IGF2BP3: variants seen among roughly 807,000 people sequenced by gnomAD.
IGF2BP3 encodes the protein insulin-like growth factor 2 mRNA-binding protein 3.
In IGF2BP3, 9 loss-of-function variants were observed where a neutral mutation model predicts 73.8. The ratio of observed to expected loss-of-function variants is 0.12; its 90% CI spans 0.07 to 0.21. The LOEUF is 0.21. Among genes scored for constraint, IGF2BP3 ranks in the 10% least tolerant of loss-of-function variants. The pLI is 1.00. For synonymous variants in IGF2BP3, 258 were observed against 256.7 expected (o/e 1.01, Z -0.05); for missense variants, 542 against 714.0 (o/e 0.76, Z 2.75).
At chr7:23,434,667 A>T (rs1281945040) in intron 2 of IGF2BP3, among the ~76,000 whole-genome samples, 2 of 152,198 alleles carry the variant, frequency 1.3e-5, no homozygotes, top group African/African-American at 4.8e-5. Flanking sequence ...ATATAATTTC[A>T]CTAGGCTTTG....
intron 10 of IGF2BP3, among the ~76,000 whole-genome samples, chr7:23,327,342 G>A (rs1444430178): frequency 2.7e-5 from 4 of 147,352 alleles, no homozygotes; most frequent in East Asian, 2.0e-4. Flanking sequence ...GTGCAGTGGC[G>A]CAATCTCGGC....
intron 9 of IGF2BP3, among the ~76,000 whole-genome samples, chr7:23,343,198 G>A (rs968721505): frequency 3.2e-4 from 48 of 152,124 alleles, no homozygotes; most frequent in Admixed American, 2.5e-3. Context: ...GGCTAACCAA[G>A]TTTTAAACCT....
intron 3 of IGF2BP3, among the ~76,000 whole-genome samples, chr7:23,404,189 A>G (rs1211105688): frequency 6.6e-6 from 1 of 152,020 alleles, no homozygotes; most frequent in Non-Finnish European, 1.5e-5. Flanking sequence ...CTCATAATCG[A>G]CACAACCCAC....
intron 6 of IGF2BP3, among the ~76,000 whole-genome samples, chr7:23,350,414 C>T (rs1418488142): frequency 6.6e-6 from 1 of 152,170 alleles, no homozygotes; most frequent in African/African-American, 2.4e-5. Flanking sequence ...CTCACAGGTT[C>T]TTCAGGAAAT....
intron 10 of IGF2BP3, among the ~76,000 whole-genome samples, chr7:23,332,154 A>G (rs1468551005): frequency 1.3e-5 from 2 of 152,198 alleles, no homozygotes; most frequent in Admixed American, 1.3e-4. Context: ...GTGGGGACAC[A>G]GCCAAACCAT....
chr7:23,312,811 A>C lies in IGF2BP3; in HGVS notation c.1565T>G (p.Val522Gly), dbSNP rs2128490813. 1 of 1,612,688 alleles carries C rather than the reference A, an allele frequency of 6.2e-7. No individual in the cohort carries two copies. The highest frequency in any genetic ancestry group is 1.1e-5 in the South Asian group (1 of 90,634). ...ELQNLSSAEV[V>G]VPRDQTPDEN... ...ATCAGGTGTCTGGTCACGAGGGACA[A>C]CAACTTCTGCACTTGACAAATTCTG... The change falls in exon 14 of 15, where the codon GTT becomes GGT. Residue 522 changes from valine (V) to glycine (G), a missense_variant. Val to Gly is a moderately radical substitution (Grantham distance 109). This residue lies in a region of IGF2BP3 where 303 missense variants were observed against 472.1 expected (regional missense o/e 0.64). Coordinates refer to ENST00000258729, the MANE Select transcript of IGF2BP3 (RefSeq NM_006547.3).
At chr7:23,438,674 A>G (rs144498185) in intron 2 of IGF2BP3, among the ~76,000 whole-genome samples, 1,535 of 152,302 alleles carry the variant, frequency 0.01, 21 homozygotes, top group African/African-American at 0.034. Context: ...CCACACGCTT[A>G]TAATGGTTGT....
chr7:23,335,194 A>G lies in IGF2BP3; in HGVS notation c.1203+6870T>C, dbSNP rs182339324. ...CTTACTTAGAAATTGTTTACCAACA[A>G]AAGAGTTGCACCCACTGTGAGAAAT... On this transcript the variant is annotated intron_variant, in intron 10 of 14. Transcript: ENST00000258729. 9.9e-4 allele frequency among the ~76,000 whole-genome samples: 151 copies of G among 152,206 alleles called. 1 individual carries two copies. Among genetic ancestry groups the G allele is most frequent in the Middle Eastern group, 3.4e-3 (1 of 294 alleles).
chr7:23,463,979 G>A lies in IGF2BP3; in HGVS notation c.236+4503C>T, dbSNP rs77551473. On this transcript the variant is annotated intron_variant, in intron 2 of 14. Coordinates refer to ENST00000258729, the MANE Select transcript of IGF2BP3 (RefSeq NM_006547.3). ...CTAACATTCAGAACCTCAAGTCTCT[G>A]CATGTGTGAGAAACTTTCCCGAATC... 8.1e-3 allele frequency among the ~76,000 whole-genome samples: 1,240 copies of A among 152,300 alleles called. 30 individuals are homozygous for A. Among genetic ancestry groups the A allele is most frequent in the African/African-American group, 0.028 (1,177 of 41,560 alleles).
chr7:23,370,675 G>GT (rs895564098), intron 3 of IGF2BP3, among the ~76,000 whole-genome samples: 25 of 148,328 alleles, frequency 1.7e-4, no homozygotes, highest in African/African-American at 6.2e-4. Context: ...AGGTTTTTTG[G>GT]TTTTTTTGTT....
At chr7:23,358,225 A>C (rs781343869) in intron 5 of IGF2BP3, among the ~76,000 whole-genome samples, 23 of 152,226 alleles carry the variant, frequency 1.5e-4, no homozygotes, top group Non-Finnish European at 2.8e-4. Flanking sequence ...TGTTCCATGC[A>C]ACTGGGCTCT....
At chr7:23,326,668 A>G (rs993409331) in intron 10 of IGF2BP3, among the ~76,000 whole-genome samples, 2 of 147,962 alleles carry the variant, frequency 1.4e-5, no homozygotes, top group African/African-American at 5.0e-5. Flanking sequence ...GAACCAACCC[A>G]AATGTCCAAC....
At chr7:23,359,630 T>G (rs1297615872) in intron 5 of IGF2BP3, among the ~76,000 whole-genome samples, 2 of 152,050 alleles carry the variant, frequency 1.3e-5, no homozygotes, top group Non-Finnish European at 2.9e-5. Context: ...GCAGATCGCT[T>G]GAGCCCACGA....
intron 12 of IGF2BP3, among the ~76,000 whole-genome samples, chr7:23,316,616 A>G (rs1204125377): frequency 6.9e-6 from 1 of 144,904 alleles, no homozygotes; most frequent in African/African-American, 2.6e-5. Flanking sequence ...TGGAGTTTGC[A>G]GTGAGCTGAG....
chr7:23,342,246 G>C, intron 9 of IGF2BP3, 57 bp from the exon 10 acceptor site: 1 of 1,583,052 alleles, frequency 6.3e-7, no homozygotes. Flanking sequence ...GGGAAAGTGA[G>C]CATTTTTAAG....
chr7:23,436,018 A>C (rs1787801860), intron 2 of IGF2BP3, among the ~76,000 whole-genome samples: 1 of 152,354 alleles, frequency 6.6e-6, no homozygotes, highest in South Asian at 2.1e-4. Context: ...CGGCCTCCCA[A>C]AGTACTGGGA....
At chr7:23,340,276 G>A (rs931003909) in intron 10 of IGF2BP3, among the ~76,000 whole-genome samples, 3 of 152,066 alleles carry the variant, frequency 2.0e-5, no homozygotes, top group Admixed American at 6.6e-5. Context: ...ATGATTTCCA[G>A]GCCAAAACAT....
At chr7:23,317,491 T>C (rs894661315) in intron 12 of IGF2BP3, 148 bp downstream of exon 12, 43 of 634,778 alleles carry the variant, frequency 6.8e-5, no homozygotes, top group African/African-American at 5.0e-4. Context: ...TTTCGAAATA[T>C]AATTTTGAGT....
intron 12 of IGF2BP3, among the ~76,000 whole-genome samples, chr7:23,316,723 A>T (rs1428666684): frequency 1.3e-5 from 2 of 151,766 alleles, no homozygotes; most frequent in African/African-American, 4.8e-5. Flanking sequence ...GCTTAAGGTT[A>T]AATAGTTGTC....
Sources: gnomAD v4.1 joint callset for allele counts (sites outside exome capture counted in the v4.1 genomes callset) on GRCh38, gnomAD v4.1.1 for gene constraint, gnomAD v4.1.1 regional missense constraint, MANE v1.5 for transcripts, NCBI Gene and HGNC (gene_info 2026-07-23, HGNC 2026-07-21) for gene names.